The following GLRX variants were observed in gnomAD, a reference collection of about 807,000 sequenced individuals.
GLRX encodes the protein glutaredoxin.
A neutral mutation model predicts 11.1 loss-of-function variants in GLRX; 9 were observed. The ratio of observed to expected loss-of-function variants is 0.81; its 90% CI spans 0.49 to 1.42. GLRX has a LOEUF of 1.42. GLRX is among the 40% of genes most tolerant of loss of function. GLRX has a pLI of 0.00. For synonymous variants in GLRX, 49 were observed against 49.5 expected, an observed-to-expected ratio of 0.99 and a Z score of 0.04; for missense variants, 102 against 126.2, an observed-to-expected ratio of 0.81 and a Z score of 0.92.
intron 1 of GLRX, among the ~76,000 whole-genome samples, chr5:95,820,672 CAA>C (rs1170087187): frequency 1.5e-5 from 2 of 131,502 alleles, no homozygotes; most frequent in Non-Finnish European, 3.2e-5. Flanking sequence ...GCCTGGGCGA[CAA>C]GAGCGAAATT....
chr5:95,819,522 A>C (rs1287240409), intron 1 of GLRX: 1 of 152,198 alleles, frequency 6.6e-6, no homozygotes, highest in African/African-American at 2.4e-5. Flanking sequence ...TACCAAGTAC[A>C]TGGCTTGATT....
chr5:95,816,718 C>G lies in GLRX; in HGVS notation c.208-92G>C, dbSNP rs28926211. 3.1e-3 allele frequency: 2,317 copies of G among 745,170 alleles called. 29 individuals carry two copies. The highest frequency in any genetic ancestry group is 0.029 in the African/African-American group (1,709 of 58,376). 46.2% of individuals were successfully genotyped at this position (745,170 alleles called of 1,614,324 possible). On this transcript the variant is annotated intron_variant, in intron 1 of 2. Coordinates refer to ENST00000237858, the MANE Select transcript of GLRX (RefSeq NM_001118890.2). Reference sequence around the variant, plus strand: ...ACTAAATATTTCCCGTGATTCCAAACTTTTCAAATCACTTTAAAACCTCCT... The same window carrying G: ...ACTAAATATTTCCCGTGATTCCAAAGTTTTCAAATCACTTTAAAACCTCCT...
intron 1 of GLRX, chr5:95,817,367 ATGGTGCCAT>A (rs1747039165): frequency 6.5e-6 from 1 of 152,702 alleles, no homozygotes; most frequent in South Asian, 2.1e-4. Flanking sequence ...GTAAGCTGTG[ATGGTGCCAT>A]TGCACTCACA....
chr5:95,822,370 C>A, intron 1 of GLRX, 86 bp downstream of exon 1: 1 of 1,137,966 alleles, frequency 8.8e-7, no homozygotes. Flanking sequence ...AGTACGGAGC[C>A]GCAGCCTTAT....
chr5:95,815,157 T>C (rs770997441), intron 2 of GLRX, among the ~76,000 whole-genome samples: 1 of 152,216 alleles, frequency 6.6e-6, no homozygotes, highest in Non-Finnish European at 1.5e-5. Flanking sequence ...TATGGGGGAC[T>C]CTAATGCCCA....
chr5:95,822,715 G>A lies in GLRX; in HGVS notation c.-53C>T, dbSNP rs563248669. 7.6e-5 allele frequency: 113 copies of A among 1,486,230 alleles called. No homozygotes were observed. The highest frequency in any genetic ancestry group is 3.4e-4 in the Middle Eastern group (2 of 5,804). 92.1% of individuals were successfully genotyped at this position (1,486,230 alleles called of 1,614,324 possible). A position where few individuals can be genotyped will look rare whatever the true frequency, so the allele number is the denominator to read the frequency against. ...GAATCCTCAGTTGCAGGTATTGCTTGGGGTATTGAGCCCCGACCCAGCCAG... is the reference window on the plus strand; with the variant it reads ...GAATCCTCAGTTGCAGGTATTGCTTAGGGTATTGAGCCCCGACCCAGCCAG... On this transcript the variant is annotated 5_prime_UTR_variant, in exon 1 of 3. Coordinates refer to ENST00000237858, the MANE Select transcript of GLRX (RefSeq NM_001118890.2).
intron 1 of GLRX, among the ~76,000 whole-genome samples, chr5:95,820,127 G>A (rs1747171391): frequency 6.6e-6 from 1 of 151,908 alleles, no homozygotes; most frequent in Admixed American, 6.6e-5. Context: ...TGAGGTGGGA[G>A]GATAGCTTGA....
chr5:95,815,576 C>G (rs1425269659), intron 2 of GLRX, among the ~76,000 whole-genome samples: 1 of 152,184 alleles, frequency 6.6e-6, no homozygotes, highest in African/African-American at 2.4e-5. Context: ...ACTAAAGCAG[C>G]ATTTACATCT....
At chr5:95,816,384 C>T in intron 2 of GLRX, 123 bp downstream of exon 2, 1 of 609,646 alleles carries the variant, frequency 1.6e-6, no homozygotes, top group Non-Finnish European at 3.0e-6. Context: ...CATCACCATT[C>T]CTCAACTCAC....
At chr5:95,820,811 C>T (rs976488189) in intron 1 of GLRX, among the ~76,000 whole-genome samples, 2 of 151,866 alleles carry the variant, frequency 1.3e-5, no homozygotes, top group Admixed American at 6.6e-5. Flanking sequence ...TTGGAATCCC[C>T]AAGGGATTTT....
At chr5:95,815,377 T>C (rs1219965848) in intron 2 of GLRX, among the ~76,000 whole-genome samples, 1 of 152,244 alleles carries the variant, frequency 6.6e-6, no homozygotes, top group Non-Finnish European at 1.5e-5. Context: ...AGAAGATTTA[T>C]AGCATTGACT....
intron 1 of GLRX, among the ~76,000 whole-genome samples, chr5:95,820,983 G>T (rs929681343): frequency 6.6e-6 from 1 of 152,134 alleles, no homozygotes; most frequent in Non-Finnish European, 1.5e-5. Context: ...GGGCATGGTG[G>T]TGGGCGCCTG....
chr5:95,818,431 C>T lies in GLRX; in HGVS notation c.208-1805G>A, dbSNP rs910431254. 3.9e-5 allele frequency: 6 copies of T among 152,240 alleles called. No homozygotes were observed. In the East Asian group the frequency reaches 5.8e-4, roughly 15 times the overall value. The allele number at this position is 152,240 out of a possible 1,614,324, so 9.4% of individuals were successfully genotyped here. A position where few individuals can be genotyped will look rare whatever the true frequency, so the allele number is the denominator to read the frequency against. ...TCCTCTTTAGAGGAACTTGAGAGTC[C>T]GCTACTGTCAAGGAGAGGAAAGAAC... On this transcript the variant is annotated intron_variant, in intron 1 of 2. Coordinates refer to ENST00000237858, the MANE Select transcript of GLRX (RefSeq NM_001118890.2).
intron 1 of GLRX, chr5:95,818,960 TA>T (rs1747110515): frequency 1.3e-5 from 2 of 152,250 alleles, no homozygotes; most frequent in African/African-American, 4.8e-5. Context: ...ACTCTACCTG[TA>T]AATTGTGTAC....
At chr5:95,821,738 G>A (rs780962120) in intron 1 of GLRX, among the ~76,000 whole-genome samples, 2 of 152,156 alleles carry the variant, frequency 1.3e-5, no homozygotes, top group African/African-American at 4.8e-5. Context: ...ATGGAGGAGA[G>A]CAATTTTTAG....
chr5:95,817,504 T>C (rs1747050100), intron 1 of GLRX: 1 of 152,312 alleles, frequency 6.6e-6, no homozygotes, highest in African/African-American at 2.4e-5. Context: ...CATCATAAGA[T>C]GGTTAACTCA....
intron 1 of GLRX, 178 bp downstream of exon 1, chr5:95,822,278 C>T (rs1047930353): frequency 1.6e-6 from 1 of 610,892 alleles, no homozygotes; most frequent in Admixed American, 2.8e-5. Flanking sequence ...TGCAGTGCCG[C>T]CGCTCATTCA....
chr5:95,814,638 T>C (rs997307403), intron 2 of GLRX: 1 of 152,418 alleles, frequency 6.6e-6, no homozygotes, highest in Non-Finnish European at 1.5e-5. Flanking sequence ...TGAAAAACAC[T>C]GGCTTAGAGG....
At chr5:95,815,948 T>G (rs1746979173) in intron 2 of GLRX, among the ~76,000 whole-genome samples, 2 of 152,230 alleles carry the variant, frequency 1.3e-5, no homozygotes, top group Admixed American at 6.5e-5. Flanking sequence ...TGCACTTCAT[T>G]CACTCTATTC....
Sources: allele counts gnomAD v4.1 joint callset (sites outside exome capture counted in the v4.1 genomes callset), GRCh38; gene constraint gnomAD v4.1.1; transcripts MANE v1.5; gene names NCBI Gene and HGNC (gene_info 2026-07-23, HGNC 2026-07-21).